SMG1: variants seen among roughly 807,000 people sequenced by gnomAD.
The protein encoded by SMG1 is SMG1 nonsense mediated mRNA decay associated PI3K related kinase.
A neutral mutation model predicts 419.9 loss-of-function variants in SMG1; 22 were observed. The ratio of observed to expected loss-of-function variants is 0.05; its 90% CI spans 0.04 to 0.07. SMG1 has a LOEUF of 0.07. SMG1 is among the 10% of genes least tolerant of loss of function. The pLI is 1.00. For missense variants in SMG1, 3,185 were observed against 4,342.0 expected (o/e 0.73, Z 7.49); for synonymous variants, 1,538 against 1,553.5 (o/e 0.99, Z 0.23).
chr16:18,886,319 T>C (rs1416083075), intron 6 of SMG1, among the ~76,000 whole-genome samples: 2 of 152,092 alleles, frequency 1.3e-5, no homozygotes, highest in African/African-American at 2.4e-5. Flanking sequence ...ATAAATAACA[T>C]GCAGGCTCAG....
intron 36 of SMG1, among the ~76,000 whole-genome samples, 158 bp from the exon 37 acceptor site, chr16:18,848,191 C>A (rs2034376620): frequency 1.3e-5 from 2 of 152,156 alleles, no homozygotes; most frequent in South Asian, 4.1e-4. Context: ...GGATATTCTG[C>A]CTTTTTATAG....
chr16:18,853,598 C>G lies in SMG1; in HGVS notation c.4753G>C (p.Glu1585Gln), dbSNP rs377705751. 7 of 1,598,374 alleles carry G rather than the reference C, an allele frequency of 4.4e-6. No homozygotes were observed. In the African/African-American group the frequency reaches 6.7e-5, roughly 15 times the overall value. Residue 1585 changes from glutamate (E) to glutamine (Q), a missense_variant, in exon 31 of 63, where the codon GAG (glutamate) becomes CAG (glutamine). Coordinates refer to ENST00000446231, the MANE Select transcript of SMG1 (RefSeq NM_015092.5). ...NTMEEEYPRI[E>Q]SESTVHIGVG... ...GCAACTCTACCTGTAGATTCACTCT[C>G]GATCCGAGGATACTCTTCTTCCATC...
rs987627441 is a variant in SMG1 at position 18,919,817 on chromosome 16, G to C, written c.92+6133C>G. On this transcript the variant is annotated intron_variant, in intron 1 of 62. Coordinates refer to ENST00000446231, the MANE Select transcript of SMG1 (RefSeq NM_015092.5). ...AGGAATCAAAACAAAAGGGGTTGGGGGGGTCCAGGCACGGTGTCTCACTCC... is the reference window on the plus strand; with the variant it reads ...AGGAATCAAAACAAAAGGGGTTGGGCGGGTCCAGGCACGGTGTCTCACTCC... Among the ~76,000 whole-genome samples the C allele has an allele frequency of 9.3e-5, 14 of 151,138 alleles. 1 individual carries two copies. The highest frequency in any genetic ancestry group is 6.3e-4 in the South Asian group (3 of 4,772).
intron 23 of SMG1, among the ~76,000 whole-genome samples, chr16:18,865,540 A>G (rs1048912016): frequency 6.7e-6 from 1 of 150,238 alleles, no homozygotes; most frequent in Non-Finnish European, 1.5e-5. Flanking sequence ...GCTACGGTAC[A>G]TTTAGTAAAA....
At position 18,830,099 on chromosome 16, in the gene SMG1, A is replaced by G. The variant is rs1353667078; in HGVS notation, c.8960T>C (p.Ile2987Thr). The G allele has an allele frequency of 6.2e-7, 1 of 1,602,938 alleles. No individual in the cohort carries two copies. The highest frequency in any genetic ancestry group is 8.5e-7 in the Non-Finnish European group (1 of 1,174,642). ...LLVEKLNKME[I>T]PIAWRKIDII... Reference sequence around the variant, plus strand: ...GTCAATCTTTCGCCAAGCTATGGGAATTTCCATCTTGTTCAACTATGTAAA... The same window carrying G: ...GTCAATCTTTCGCCAAGCTATGGGAGTTTCCATCTTGTTCAACTATGTAAA... The change falls in exon 53 of 63, where the codon ATT becomes ACT. Residue 2987 changes from isoleucine (I) to threonine (T), a missense_variant. By Grantham distance (89) the Ile-to-Thr change is moderately conservative. Around this residue, in one of 27 missense-constraint regions of SMG1, gnomAD observed 737 missense variants for 846.6 expected, o/e 0.87. Coordinates refer to ENST00000446231, the MANE Select transcript of SMG1 (RefSeq NM_015092.5).
At chr16:18,816,231 C>T in intron 58 of SMG1, 71 bp downstream of exon 58, 1 of 1,187,202 alleles carries the variant, frequency 8.4e-7, no homozygotes, top group Non-Finnish European at 1.2e-6. Flanking sequence ...ACTGTTTTTC[C>T]TATAAATAAA....
At position 18,805,188 on chromosome 16, in the gene SMG1, A is replaced by T. The variant is rs1422461571; in HGVS notation, c.*4381T>A. ...GTGAAGTATGATGTTGTTGCCACTG[A>T]CATTACAGGTGGAAATATAAGGGAA... is the stretch of plus-strand genomic sequence containing the variant. On this transcript the variant is annotated 3_prime_UTR_variant, in exon 63 of 63. Transcript: ENST00000446231. 6.6e-6 allele frequency: 1 copy of T among 152,264 alleles called. No individual in the cohort carries two copies. Among genetic ancestry groups the T allele is most frequent in the African/African-American group, 2.4e-5 (1 of 41,462 alleles). 9.4% of individuals were successfully genotyped at this position (152,264 alleles called of 1,614,324 possible). A position where few individuals can be genotyped will look rare whatever the true frequency, so the allele number is the denominator to read the frequency against.
At chr16:18,865,775 G>A (rs1216788641) in intron 23 of SMG1, among the ~76,000 whole-genome samples, 2 of 151,420 alleles carry the variant, frequency 1.3e-5, no homozygotes, top group African/African-American at 4.9e-5. Context: ...CAATTCTCCT[G>A]GCTCAGCCTC....
chr16:18,874,900 A>AG (rs2036031119), intron 13 of SMG1, among the ~76,000 whole-genome samples: 12 of 44,120 alleles, frequency 2.7e-4, no homozygotes, highest in African/African-American at 8.6e-4. Context: ...AAAAAAAAAA[A>AG]GCCTTTTTTT....
intron 1 of SMG1, among the ~76,000 whole-genome samples, chr16:18,919,660 AC>A (rs2142016638): frequency 1.6e-4 from 1 of 6,322 alleles, no homozygotes; most frequent in South Asian, 6.3e-3. Flanking sequence ...GTATATATAC[AC>A]ACACACACAC....
intron 1 of SMG1, among the ~76,000 whole-genome samples, chr16:18,918,549 A>AGGTTTT (rs527658398): frequency 6.6e-6 from 1 of 151,924 alleles, no homozygotes; most frequent in South Asian, 2.1e-4. Flanking sequence ...CTGACCCTCC[A>AGGTTTT]GGTTTTTGTT....
At chr16:18,899,081 A>G (rs540958039) in intron 1 of SMG1, among the ~76,000 whole-genome samples, 52 of 152,336 alleles carry the variant, frequency 3.4e-4, no homozygotes, top group African/African-American at 1.1e-3. Flanking sequence ...CATAATACAA[A>G]ATAAACTCAG....
chr16:18,868,113 T>C (rs2035621567), intron 22 of SMG1, 77 bp downstream of exon 22: 1 of 1,180,686 alleles, frequency 8.5e-7, no homozygotes, highest in South Asian at 1.3e-5. Flanking sequence ...TATCCATAGA[T>C]TAAATCATAC....
At chr16:18,813,766 G>A (rs1235410475) in intron 60 of SMG1, among the ~76,000 whole-genome samples, 1 of 152,040 alleles carries the variant, frequency 6.6e-6, no homozygotes, top group Non-Finnish European at 1.5e-5. Context: ...GTATTGCCTA[G>A]GTTTTCTTCT....
At chr16:18,885,319 A>G in intron 7 of SMG1, 157 bp from the exon 8 acceptor site, 1 of 658,484 alleles carries the variant, frequency 1.5e-6, no homozygotes, top group South Asian at 1.9e-5. Flanking sequence ...CAGGAAAATA[A>G]AAGAACTACA....
chr16:18,815,755 G>A, intron 58 of SMG1, 104 bp from the exon 59 acceptor site: 3 of 902,554 alleles, frequency 3.3e-6, no homozygotes, highest in Non-Finnish European at 5.0e-6. Context: ...AAATATGAGT[G>A]TGTTTAAACT....
At chr16:18,896,753 T>C (rs191531315) in intron 2 of SMG1, 40 bp downstream of exon 2, 32 of 1,513,524 alleles carry the variant, frequency 2.1e-5, no homozygotes, top group African/African-American at 2.7e-5. Context: ...GACAGGTAGG[T>C]TCAAAAAACA....
At chr16:18,888,638 T>C (rs2141784719) in intron 6 of SMG1, among the ~76,000 whole-genome samples, 1 of 151,886 alleles carries the variant, frequency 6.6e-6, no homozygotes, top group South Asian at 2.1e-4. Flanking sequence ...TGGCTAATTT[T>C]TGTATTGTTA....
rs185027897 is a variant in SMG1, at chr16:18,844,592, G to A, written c.6219+837C>T. ...CTCTCACACACACACACGGAAACTC[G>A]AGTTTTGGCAAGAACACATAATAAA... On this transcript the variant is annotated intron_variant, in intron 39 of 62. Transcript: ENST00000446231. Among the ~76,000 whole-genome samples the A allele has an allele frequency of 2.4e-3, 165 of 69,744 alleles. 6 individuals are homozygous for A. The highest frequency in any genetic ancestry group is 0.01 in the African/African-American group (158 of 15,056). 45.8% of individuals were successfully genotyped at this position (69,744 alleles called of 152,430 possible). A position where few individuals can be genotyped will look rare whatever the true frequency, so the allele number is the denominator to read the frequency against.
Sources: allele counts gnomAD v4.1 joint callset (sites outside exome capture counted in the v4.1 genomes callset), GRCh38; gene constraint gnomAD v4.1.1; regional missense constraint gnomAD v4.1.1; transcripts MANE v1.5; gene names NCBI Gene and HGNC (gene_info 2026-07-23, HGNC 2026-07-21).